CNST: variants seen among roughly 807,000 people sequenced by gnomAD.
The protein encoded by CNST is consortin, connexin sorting protein.
CNST carries 39 observed loss-of-function variants against 72.4 expected under a neutral mutation model. That is an observed-to-expected ratio of 0.54 (90% CI 0.42 to 0.70). The LOEUF (loss-of-function observed/expected upper bound fraction) is 0.70, where lower values mean the gene tolerates loss of function less well. CNST is among the 30% of genes least tolerant of loss of function. The pLI is 0.00. For synonymous variants in CNST, 332 were observed against 320.1 expected (o/e 1.04, Z -0.40); for missense variants, 871 against 868.5 (o/e 1.00, Z -0.04).
chr1:246,598,621 A>G, intron 2 of CNST, among the ~76,000 whole-genome samples: 1 of 152,218 alleles, frequency 6.6e-6, no homozygotes, highest in East Asian at 1.9e-4. Flanking sequence ...CTTCGGCTAT[A>G]GTAGAACATT....
chr1:246,585,666 TACACACACACACACACACACACACACAC>T (rs56730668), intron 1 of CNST, among the ~76,000 whole-genome samples: 1 of 101,592 alleles, frequency 9.8e-6, no homozygotes, highest in African/African-American at 4.0e-5. Context: ...AAAAAAAATA[TACACACACACACACACACACACACACAC>T]ACACACACAC....
intron 9 of CNST, among the ~76,000 whole-genome samples, chr1:246,656,766 A>G (rs565243693): frequency 1.3e-5 from 2 of 152,184 alleles, no homozygotes; most frequent in Admixed American, 6.5e-5. Flanking sequence ...TGTCTCCACA[A>G]AAGAATGCCA....
In CNST at chr1:246,621,554, G is replaced by A; in HGVS notation, c.505G>A (p.Val169Ile). ...TGAGCAGCCAGAGGCGCCAAAGCTT[G>A]TTCTGCAGTCTCTGTTTTCACTTAT... ...ANEQPEAPKL[V>I]LQSLFSLIRG... The change falls in exon 3 of 11, where the codon GTT (valine) becomes ATT (isoleucine). Residue 169 changes from valine (V) to isoleucine (I), a missense_variant. Physicochemically the swap from Val to Ile is conservative, Grantham distance 29 (BLOSUM62 3). Coordinates refer to ENST00000366513, the MANE Select transcript of CNST (RefSeq NM_152609.3). 3 of 1,614,088 alleles carry A rather than the reference G, an allele frequency of 1.9e-6. No homozygotes were observed. The highest frequency in any genetic ancestry group is 1.7e-6 in the Non-Finnish European group (2 of 1,180,040).
intron 2 of CNST, among the ~76,000 whole-genome samples, chr1:246,599,539 C>T (rs1333292659): frequency 2.0e-5 from 3 of 152,202 alleles, no homozygotes; most frequent in Non-Finnish European, 4.4e-5. Context: ...ACACTTCTGC[C>T]TCTCTCTTCC....
Position 246,577,150 on chromosome 1 carries a change from T to TA in CNST, c.-52+10490dup, listed in dbSNP as rs548443477. ...TTTCAGTAGGGAAAAGAACATGTGC[T>TA]AAAGGAATTATTCAGGTGAAAATGC... is the stretch of plus-strand genomic sequence containing the variant. On this transcript the variant is annotated intron_variant, in intron 1 of 10. Coordinates refer to ENST00000366513, the MANE Select transcript of CNST (RefSeq NM_152609.3). Among the ~76,000 whole-genome samples the TA allele has an allele frequency of 3.3e-5, 5 of 152,206 alleles. No homozygotes were observed. The South Asian group carries it at 8.3e-4, about 25-fold the overall frequency.
At chr1:246,657,127 T>C (rs931872388) in intron 9 of CNST, among the ~76,000 whole-genome samples, 1 of 152,138 alleles carries the variant, frequency 6.6e-6, no homozygotes, top group African/African-American at 2.4e-5. Context: ...AACTTGTTTC[T>C]TAAGATCTTT....
At chr1:246,586,111 ATGTGTGTG>A (rs113258007) in intron 1 of CNST, among the ~76,000 whole-genome samples, 8 of 102,694 alleles carry the variant, frequency 7.8e-5, no homozygotes, top group Admixed American at 3.2e-4. Flanking sequence ...ATATATATAT[ATGTGTGTG>A]TGTGTGTGTG....
intron 2 of CNST, among the ~76,000 whole-genome samples, chr1:246,614,849 C>G (rs1446949881): frequency 1.3e-5 from 2 of 152,076 alleles, no homozygotes; most frequent in Non-Finnish European, 2.9e-5. Context: ...AACATCCAGT[C>G]ACATCATTTT....
intron 2 of CNST, among the ~76,000 whole-genome samples, chr1:246,595,452 A>G (rs1035976531): frequency 4.6e-5 from 7 of 152,126 alleles, no homozygotes; most frequent in African/African-American, 1.7e-4. Context: ...AGTACTGCAA[A>G]AGCCCCCTAC....
intron 3 of CNST, among the ~76,000 whole-genome samples, chr1:246,627,880 G>A (rs1265654844): frequency 1.4e-5 from 2 of 147,424 alleles, no homozygotes; most frequent in South Asian, 2.1e-4. Flanking sequence ...CTCTTAGAGG[G>A]ACAGAACTCA....
intron 2 of CNST, among the ~76,000 whole-genome samples, chr1:246,601,261 C>T (rs906456905): frequency 5.9e-5 from 9 of 151,808 alleles, no homozygotes; most frequent in Admixed American, 1.3e-4. Flanking sequence ...GCCATGATCA[C>T]GCCACTGCAC....
At chr1:246,646,699 C>G (rs972163516) in intron 8 of CNST, among the ~76,000 whole-genome samples, 1 of 152,168 alleles carries the variant, frequency 6.6e-6, no homozygotes, top group African/African-American at 2.4e-5. Flanking sequence ...AGGCTGGTTT[C>G]GAATTCCCGA....
intron 2 of CNST, among the ~76,000 whole-genome samples, chr1:246,617,797 A>G (rs764563409): frequency 3.3e-5 from 5 of 152,220 alleles, no homozygotes; most frequent in African/African-American, 7.2e-5. Flanking sequence ...CAACCAGAAT[A>G]TGGCTAGTGT....
chr1:246,581,811 T>G (rs1426629083), intron 1 of CNST, among the ~76,000 whole-genome samples: 1 of 152,258 alleles, frequency 6.6e-6, no homozygotes, highest in African/African-American at 2.4e-5. Flanking sequence ...TGGTTTATAT[T>G]ATTTTTTATT....
At position 246,591,803 on chromosome 1, in the gene CNST, G is replaced by A. The variant is rs763224888; in HGVS notation, c.241G>A (p.Val81Met). The A allele has an allele frequency of 1.5e-5, 24 of 1,613,926 alleles. No homozygotes were observed. Among genetic ancestry groups the A allele is most frequent in the African/African-American group, 6.7e-5 (5 of 74,892 alleles). Residue 81 changes from valine to methionine, a missense_variant, in exon 2 of 11, where the codon GTG becomes ATG. Physicochemically the swap from Val to Met is conservative, Grantham distance 21. Coordinates refer to ENST00000366513, the MANE Select transcript of CNST (RefSeq NM_152609.3). ...TGAAAGCTGCACATTGAGCTGCGAG[G>A]TGGCTGCAGGTGAGAACTTGCAAAA... is the stretch of plus-strand genomic sequence containing the variant. ...NNESCTLSCE[V>M]AAGENLQNTL...
At chr1:246,618,330 A>T (rs1663832980) in intron 2 of CNST, among the ~76,000 whole-genome samples, 1 of 152,186 alleles carries the variant, frequency 6.6e-6, no homozygotes. Context: ...AGCAGAACTG[A>T]AGTCTCTTGC....
chr1:246,580,928 G>A (rs531362226), intron 1 of CNST, among the ~76,000 whole-genome samples: 2 of 151,722 alleles, frequency 1.3e-5, no homozygotes, highest in South Asian at 2.1e-4. Context: ...TTCAGTAGAC[G>A]GGATTTCACC....
At chr1:246,574,145 C>T (rs1291181487) in intron 1 of CNST, among the ~76,000 whole-genome samples, 1 of 152,170 alleles carries the variant, frequency 6.6e-6, no homozygotes, top group Non-Finnish European at 1.5e-5. Context: ...GGGTTCACGC[C>T]ATTCTCCCGC....
chr1:246,659,111 C>A (rs1051896476), intron 9 of CNST, among the ~76,000 whole-genome samples: 6 of 152,100 alleles, frequency 3.9e-5, no homozygotes, highest in African/African-American at 1.4e-4. Flanking sequence ...TAGGAAAGGC[C>A]AAATTACTAA....
Sources: allele counts gnomAD v4.1 joint callset (sites outside exome capture counted in the v4.1 genomes callset), GRCh38; gene constraint gnomAD v4.1.1; transcripts MANE v1.5; gene names NCBI Gene and HGNC (gene_info 2026-07-23, HGNC 2026-07-21).